The following ASB9 variants were observed in gnomAD, a reference collection of about 807,000 sequenced individuals.
The protein encoded by ASB9 is ankyrin repeat and SOCS box containing 9, also known as ankyrin repeat and SOCS box protein 9.
A neutral mutation model predicts 16.6 loss-of-function variants in ASB9; 5 were observed. The observed-to-expected ratio is 0.30, with a 90% CI of 0.16 to 0.63. The LOEUF (loss-of-function observed/expected upper bound fraction) is 0.63, where lower values mean the gene tolerates loss of function less well. ASB9 is among the 30% of genes least tolerant of loss of function. The probability of loss-of-function intolerance (pLI) is 0.82; values close to 1 mark genes in which losing one functional copy is unlikely to be tolerated. For missense variants in ASB9, 216 were observed against 229.4 expected (o/e 0.94, Z 0.38); for synonymous variants, 100 against 86.4 (o/e 1.16, Z -0.87).
At chrX:15,260,412 A>G (rs1365521923) in intron 1 of ASB9, among the ~76,000 whole-genome samples, 1 of 112,291 alleles carries the variant, frequency 8.9e-6, no homozygotes, top group Non-Finnish European at 1.9e-5. Flanking sequence ...AAATAAAATA[A>G]AATAGCAAAT....
intron 1 of ASB9, among the ~76,000 whole-genome samples, chrX:15,267,425 T>TTAAAAAAAAAAAAAA (rs377056337): frequency 1.1e-4 from 10 of 87,545 alleles, no homozygotes; most frequent in African/African-American, 2.1e-4. Context: ...AAAATATATA[T>TTAAAAAAAAAAAAAA]ATATATATAA....
At chrX:15,252,855 A>G (rs1004992999) in intron 3 of ASB9, among the ~76,000 whole-genome samples, 1 of 112,621 alleles carries the variant, frequency 8.9e-6, no homozygotes, top group Non-Finnish European at 1.9e-5. Flanking sequence ...CTTGACTTTC[A>G]TACAAATATA....
At chrX:15,252,964 T>C (rs769194132) in intron 3 of ASB9, among the ~76,000 whole-genome samples, 8 of 112,619 alleles carry the variant, frequency 7.1e-5, no homozygotes, top group Non-Finnish European at 1.5e-4. Context: ...CCAGGCGCAG[T>C]GGCTCACGCC....
chrX:15,267,768 A>G (rs1477341293), intron 1 of ASB9, among the ~76,000 whole-genome samples: 2 of 92,712 alleles, frequency 2.2e-5, no homozygotes, highest in Admixed American at 1.2e-4. Context: ...AAAAAAAAAA[A>G]AAAGAAATTC....
chrX:15,248,753 C>T lies in ASB9; in HGVS notation c.751G>A (p.Glu251Lys). 8.3e-7 allele frequency: 1 copy of T among 1,207,169 alleles called. No homozygotes were observed. Among genetic ancestry groups the T allele is most frequent in the Non-Finnish European group, 1.1e-6 (1 of 892,769 alleles). The change falls in exon 6 of 7, where the codon GAG becomes AAG. Residue 251 changes from glutamate (E) to lysine (K), a missense_variant. Transcript: ENST00000380488. ...TTTGGCAAAGAAGCACCTTCTCTCT[C>T]CAAGAAGAGCTGGGCCAAGGGGCTC... ...PESPLAQLFL[E>K]REGPPSLMQL...
At chrX:15,246,702 C>T (rs1175738118) in intron 6 of ASB9, among the ~76,000 whole-genome samples, 4 of 110,965 alleles carry the variant, frequency 3.6e-5, no homozygotes, top group African/African-American at 1.3e-4. Flanking sequence ...TGGTCTCTAT[C>T]TCCTGAACTC....
intron 1 of ASB9, among the ~76,000 whole-genome samples, chrX:15,262,668 G>C (rs1020319029): frequency 4.4e-5 from 5 of 112,875 alleles, no homozygotes; most frequent in Admixed American, 2.8e-4. Flanking sequence ...GTCTCATTCT[G>C]TCACCCAGGC....
At chrX:15,261,179 GA>G (rs1276644513) in intron 1 of ASB9, among the ~76,000 whole-genome samples, 1 of 111,974 alleles carries the variant, frequency 8.9e-6, no homozygotes, top group East Asian at 2.8e-4. Context: ...TGGAAAGATT[GA>G]TCTCCAAATT....
At chrX:15,256,549 A>T (rs73447211) in intron 2 of ASB9, among the ~76,000 whole-genome samples, 1 of 105,674 alleles carries the variant, frequency 9.5e-6, no homozygotes, top group African/African-American at 3.5e-5. Flanking sequence ...AGGCCGAGGC[A>T]GGCGGATCAC....
chrX:15,244,698 A>AG (rs1924517054), intron 6 of ASB9, 68 bp from the exon 7 acceptor site: 2 of 1,034,331 alleles, frequency 1.9e-6, no homozygotes, highest in Non-Finnish European at 2.6e-6. Context: ...TTTTTAAAAA[A>AG]AAAAAGCATC....
At chrX:15,267,425 T>TTAAAAAAAAAAAAA (rs377056337) in intron 1 of ASB9, among the ~76,000 whole-genome samples, 8 of 87,614 alleles carry the variant, frequency 9.1e-5, no homozygotes, top group African/African-American at 1.7e-4. Flanking sequence ...AAAATATATA[T>TTAAAAAAAAAAAAA]ATATATATAA....
intron 1 of ASB9, among the ~76,000 whole-genome samples, chrX:15,260,325 G>T (rs898229916): frequency 3.6e-5 from 4 of 111,980 alleles, no homozygotes; most frequent in African/African-American, 1.3e-4. Context: ...TTGAACCCGG[G>T]AGGCGGAGGT....
chrX:15,260,671 T>C (rs1925904422), intron 1 of ASB9, among the ~76,000 whole-genome samples: 1 of 111,940 alleles, frequency 8.9e-6, no homozygotes, highest in South Asian at 3.8e-4. Flanking sequence ...GGTAGAAAGG[T>C]CTGGTGCCAG....
chrX:15,267,417 A>AAAATAT (rs780282231), intron 1 of ASB9, among the ~76,000 whole-genome samples: 3 of 78,029 alleles, frequency 3.8e-5, no homozygotes, highest in African/African-American at 1.5e-4. Flanking sequence ...CTAAAAAAAA[A>AAAATAT]ATATATATAT....
At chrX:15,257,263 G>C (rs1005618793) in intron 2 of ASB9, among the ~76,000 whole-genome samples, 1 of 110,784 alleles carries the variant, frequency 9.0e-6, no homozygotes, top group African/African-American at 3.3e-5. Context: ...TATAAAATTA[G>C]CGGGGCGTGG....
chrX:15,268,324 T>A (rs1279380443), intron 1 of ASB9, among the ~76,000 whole-genome samples: 2 of 74,501 alleles, frequency 2.7e-5, no homozygotes, highest in African/African-American at 4.6e-5. Context: ...AGAATGAGAC[T>A]CCGTCTCAAA....
intron 4 of ASB9, 116 bp downstream of exon 4, chrX:15,252,138 T>C: frequency 3.5e-6 from 3 of 846,401 alleles, no homozygotes; most frequent in Non-Finnish European, 3.3e-6. Context: ...CTTCCAGTCC[T>C]GGGACTCCAT....
At chrX:15,266,861 G>A (rs1056640086) in intron 1 of ASB9, among the ~76,000 whole-genome samples, 4 of 107,537 alleles carry the variant, frequency 3.7e-5, no homozygotes, top group African/African-American at 6.9e-5. Context: ...GCGTGAACCC[G>A]GGAGGCGGAG....
intron 3 of ASB9, among the ~76,000 whole-genome samples, chrX:15,252,925 T>C (rs1925239680): frequency 8.9e-6 from 1 of 112,400 alleles, no homozygotes; most frequent in Admixed American, 9.4e-5. Context: ...ACCAGTAAGA[T>C]GGTAAGGCTG....
Sources: gnomAD v4.1 joint callset for allele counts (sites outside exome capture counted in the v4.1 genomes callset) on GRCh38, gnomAD v4.1.1 for gene constraint, MANE v1.5 for transcripts, NCBI Gene and HGNC (gene_info 2026-07-23, HGNC 2026-07-21) for gene names.